NUDCD1: variants seen among roughly 807,000 people sequenced by gnomAD.
NUDCD1 encodes nudC domain-containing protein 1.
Under a neutral mutation model 67.8 loss-of-function variants are expected in NUDCD1, and 60 were observed. The observed-to-expected ratio is 0.88, with a 90% confidence interval of 0.72 to 1.10. The LOEUF (loss-of-function observed/expected upper bound fraction) is 1.10. Ranked by LOEUF, NUDCD1 falls within the 50% of genes least tolerant of loss-of-function variation. The probability of loss-of-function intolerance (pLI) is 0.00; values close to 1 mark genes in which losing one functional copy is unlikely to be tolerated. For synonymous variants in NUDCD1, 244 were observed against 230.8 expected (o/e 1.06, Z -0.52); for missense variants, 643 against 695.0 (o/e 0.93, Z 0.84).
At chr8:109,274,077 A>G (rs1814220600) in intron 7 of NUDCD1, among the ~76,000 whole-genome samples, 1 of 152,116 alleles carries the variant, frequency 6.6e-6, no homozygotes, top group Non-Finnish European at 1.5e-5. Flanking sequence ...AATGTAATAA[A>G]AAGAACCTAT....
chr8:109,258,894 A>G (rs986403968), intron 8 of NUDCD1, among the ~76,000 whole-genome samples: 3 of 152,222 alleles, frequency 2.0e-5, no homozygotes, highest in Non-Finnish European at 4.4e-5. Flanking sequence ...ATCATAGGTA[A>G]TAATAATTGG....
chr8:109,322,501 T>C (rs769359972), intron 1 of NUDCD1, 38 bp from the exon 2 acceptor site: 2 of 1,546,348 alleles, frequency 1.3e-6, no homozygotes, highest in South Asian at 2.4e-5. Context: ...CATCAAGAGT[T>C]TTGCCTCAGA....
intron 2 of NUDCD1, among the ~76,000 whole-genome samples, chr8:109,318,035 AAC>A (rs1224981035): frequency 6.6e-6 from 1 of 152,182 alleles, no homozygotes; most frequent in African/African-American, 2.4e-5. Context: ...ATAATGGTAA[AAC>A]AGTTTTTATT....
chr8:109,310,701 A>G (rs1043303987), intron 2 of NUDCD1, among the ~76,000 whole-genome samples: 1 of 152,194 alleles, frequency 6.6e-6, no homozygotes, highest in African/African-American at 2.4e-5. Flanking sequence ...AGTGGGAGAA[A>G]ATCTTCACAA....
At chr8:109,306,864 C>G (rs1247714556) in intron 2 of NUDCD1, among the ~76,000 whole-genome samples, 1 of 152,168 alleles carries the variant, frequency 6.6e-6, no homozygotes, top group Non-Finnish European at 1.5e-5. Context: ...AATCTTTCCT[C>G]AGTTTAATCT....
chr8:109,289,087 T>C (rs1814640959), intron 5 of NUDCD1, among the ~76,000 whole-genome samples: 1 of 152,068 alleles, frequency 6.6e-6, no homozygotes, highest in South Asian at 2.1e-4. Context: ...GTGATTCTCC[T>C]GCCTCAGCCT....
chr8:109,301,727 C>T (rs1814995477), intron 2 of NUDCD1, among the ~76,000 whole-genome samples: 1 of 152,244 alleles, frequency 6.6e-6, no homozygotes, highest in Admixed American at 6.5e-5. Context: ...CCCTGTCCTT[C>T]CAATTCCAGC....
chr8:109,270,317 ATAACT>A (rs1814119965), intron 8 of NUDCD1, among the ~76,000 whole-genome samples: 1 of 152,062 alleles, frequency 6.6e-6, no homozygotes, highest in African/African-American at 2.4e-5. Flanking sequence ...ATTACATAAA[ATAACT>A]TGACAGTAAA....
At chr8:109,258,472 GTGTGT>G (rs1813789006) in intron 8 of NUDCD1, among the ~76,000 whole-genome samples, 3 of 151,932 alleles carry the variant, frequency 2.0e-5, no homozygotes, top group African/African-American at 7.3e-5. Flanking sequence ...ATCTCATCTA[GTGTGT>G]GAGGGGCAGT....
chr8:109,332,724 T>C (rs973830053), intron 1 of NUDCD1, among the ~76,000 whole-genome samples: 3 of 152,104 alleles, frequency 2.0e-5, no homozygotes, highest in Non-Finnish European at 2.9e-5. Flanking sequence ...TAACTAAACA[T>C]GGTGATACCA....
chr8:109,329,217 G>A (rs530778917), intron 1 of NUDCD1, among the ~76,000 whole-genome samples: 1 of 151,972 alleles, frequency 6.6e-6, no homozygotes, highest in Admixed American at 6.6e-5. Context: ...AAAATGAAAC[G>A]GGCATTCATG....
intron 2 of NUDCD1, chr8:109,315,078 T>C (rs963047097): frequency 1.3e-5 from 2 of 152,206 alleles, no homozygotes; most frequent in Non-Finnish European, 2.9e-5. Context: ...ATTTTCATCA[T>C]TAATAACCAT....
chr8:109,299,352 G>C (rs2130055280), intron 2 of NUDCD1, among the ~76,000 whole-genome samples: 1 of 152,228 alleles, frequency 6.6e-6, no homozygotes, highest in East Asian at 1.9e-4. Context: ...AGGTAGCCTG[G>C]GGCAAGTTCT....
At chr8:109,253,137 G>A (rs1009083577) in intron 8 of NUDCD1, among the ~76,000 whole-genome samples, 1 of 152,170 alleles carries the variant, frequency 6.6e-6, no homozygotes, top group African/African-American at 2.4e-5. Flanking sequence ...ATGATGAAGT[G>A]TTTTCTCGAA....
At chr8:109,311,572 TGATGGG>T (rs1563681386) in intron 2 of NUDCD1, among the ~76,000 whole-genome samples, 4 of 145,350 alleles carry the variant, frequency 2.8e-5, no homozygotes, top group African/African-American at 1.1e-4. Context: ...TATATATATA[TGATGGG>T]ATACTGCTCA....
Position 109,322,389 on chromosome 8 carries a change from G to A in NUDCD1, c.193C>T (p.Leu65=), listed in dbSNP as rs769026351. The A allele has an allele frequency of 2.5e-6, 4 of 1,599,888 alleles. No individual in the cohort carries two copies. Among genetic ancestry groups the A allele is most frequent in the South Asian group, 1.1e-5 (1 of 90,514 alleles). ...TCTTGATACCATGAATCACAGTGCA[G>A]GTAATTATACATTCCAAAAGCATGC... ...HMHAFGMYNY[L]HCDSWYQDSV... The change falls in exon 2 of 10, where the codon CTG becomes TTG. Residue 65 remains leucine, a synonymous_variant. Coordinates refer to ENST00000239690, the MANE Select transcript of NUDCD1 (RefSeq NM_032869.4).
intron 8 of NUDCD1, among the ~76,000 whole-genome samples, chr8:109,248,359 A>T (rs1813547402): frequency 6.6e-6 from 1 of 152,228 alleles, no homozygotes; most frequent in South Asian, 2.1e-4. Flanking sequence ...CAGCAACCTA[A>T]CATACCACCC....
intron 9 of NUDCD1, among the ~76,000 whole-genome samples, chr8:109,244,054 C>G (rs1272460856): frequency 6.6e-6 from 1 of 151,920 alleles, no homozygotes; most frequent in Non-Finnish European, 1.5e-5. Context: ...ACATGGTTAG[C>G]AAATGTTAGG....
chr8:109,307,848 T>G (rs1336218697), intron 2 of NUDCD1, among the ~76,000 whole-genome samples: 1 of 152,136 alleles, frequency 6.6e-6, no homozygotes, highest in Non-Finnish European at 1.5e-5. Context: ...AAACAAACTT[T>G]AAAGCAACAG....
Sources: gnomAD v4.1 joint callset for allele counts (sites outside exome capture counted in the v4.1 genomes callset) on GRCh38, gnomAD v4.1.1 for gene constraint, MANE v1.5 for transcripts, NCBI Gene and HGNC (gene_info 2026-07-23, HGNC 2026-07-21) for gene names.